TNN: variants seen among roughly 807,000 people sequenced by gnomAD.
The protein encoded by TNN is tenascin-N.
A neutral mutation model predicts 134.4 loss-of-function variants in TNN; 122 were observed. That is an observed-to-expected ratio of 0.91 (90% CI 0.78 to 1.06). The LOEUF (loss-of-function observed/expected upper bound fraction) is 1.06, where lower values mean the gene tolerates loss of function less well. TNN is among the 50% of genes least tolerant of loss of function. TNN has a pLI of 0.00. For synonymous variants in TNN, 710 were observed against 670.3 expected (o/e 1.06, Z -0.91); for missense variants, 1,739 against 1,699.4 (o/e 1.02, Z -0.41).
Position 175,106,211 on chromosome 1 carries a change from C to T in TNN, c.2119+7616C>T, listed in dbSNP as rs184987332. On this transcript the variant is annotated intron_variant, in intron 9 of 18. Transcript: ENST00000239462. ...TTCTCCTGTTAGTATTGGGACTTTA[C>T]CCCATCCTATAAAGATGTTATGCCA... 5.5e-4 allele frequency among the ~76,000 whole-genome samples: 80 copies of T among 145,774 alleles called. 6 individuals are homozygous for T. Among genetic ancestry groups the T allele is most frequent in the Middle Eastern group, 7.0e-3 (2 of 286 alleles).
At position 175,128,754 on chromosome 1, in the gene TNN, A is replaced by G; in HGVS notation, c.3330+8A>G. 1.2e-6 allele frequency: 2 copies of G among 1,611,032 alleles called. No homozygotes were observed. Among genetic ancestry groups the G allele is most frequent in the East Asian group, 4.5e-5 (2 of 44,806 alleles). On this transcript the variant is annotated splice_region_variant and intron_variant, in intron 15 of 18. Transcript: ENST00000239462. ...GACGGAGGTGGCTGGATTGTGAGTC[A>G]CGCAGAACCCTGGGGAGCTCTGTGT...
At chr1:175,145,810 A>G (rs1676052811) in intron 18 of TNN, among the ~76,000 whole-genome samples, 1 of 151,328 alleles carries the variant, frequency 6.6e-6, no homozygotes, top group East Asian at 1.9e-4. Flanking sequence ...CATCATCCTG[A>G]CTCTTTGACA....
In TNN at chr1:175,118,548, T is replaced by C. The variant is rs773441365; in HGVS notation, c.2387-13T>C. 50 of 1,414,416 alleles carry C rather than the reference T, an allele frequency of 3.5e-5. No individual in the cohort carries two copies. The highest frequency in any genetic ancestry group is 4.7e-5 in the East Asian group (2 of 42,130). 87.6% of individuals were successfully genotyped at this position (1,414,416 alleles called of 1,614,324 possible). On this transcript the variant is annotated splice_polypyrimidine_tract_variant and intron_variant, in intron 10 of 18. Transcript: ENST00000239462. ...TGTTCATAGTGCATATTGGTCAGCA[T>C]TTTTTTTTTCAGACATTGACAGCCC...
Position 175,094,191 on chromosome 1 carries a change from T to C in TNN, c.1526T>C (p.Val509Ala). ...TGLKPGEAYK[V>A]YVWAERGNQG... is the part of the protein sequence containing the mutation. ...CTGAAGCCAGGAGAGGCATACAAGG[T>C]CTACGTGTGGGCTGAAAGGGGCAAC... The change falls in exon 7 of 19, where the codon GTC (valine) becomes GCC (alanine). Residue 509 changes from valine (V) to alanine (A), a missense_variant. Val to Ala is a moderately conservative substitution (Grantham distance 64). Transcript: ENST00000239462. 6.2e-7 allele frequency: 1 copy of C among 1,613,662 alleles called. No homozygotes were observed. Among genetic ancestry groups the C allele is most frequent in the Non-Finnish European group, 8.5e-7 (1 of 1,179,736 alleles).
At chr1:175,104,221 C>A (rs1674797333) in intron 9 of TNN, among the ~76,000 whole-genome samples, 1 of 145,804 alleles carries the variant, frequency 6.9e-6, no homozygotes, top group African/African-American at 2.5e-5. Context: ...AGGAGATTAA[C>A]ACTGAGAAGG....
At chr1:175,111,823 C>T (rs555575413) in intron 9 of TNN, among the ~76,000 whole-genome samples, 6 of 150,958 alleles carry the variant, frequency 4.0e-5, no homozygotes, top group Admixed American at 2.0e-4. Flanking sequence ...AGAAACACTA[C>T]TGATTTTTAT....
intron 9 of TNN, among the ~76,000 whole-genome samples, chr1:175,099,610 T>G (rs1475910722): frequency 2.4e-5 from 1 of 42,020 alleles, no homozygotes; most frequent in South Asian, 7.3e-4. Context: ...AGGTGAGGGG[T>G]CAGGAGGAGG....
chr1:175,125,862 CTTTTTCTTTCTTTCTTTTCTTTTT>C (rs1558369551), intron 12 of TNN, among the ~76,000 whole-genome samples: 1 of 7,522 alleles, frequency 1.3e-4, no homozygotes, highest in East Asian at 1.8e-3. Context: ...TTTCTTTTTT[CTTTTTCTTTCTTTCTTTTCTTTTT>C]TTCTTTCTTT....
chr1:175,084,837 A>T (rs550703436), intron 5 of TNN, among the ~76,000 whole-genome samples: 38 of 152,104 alleles, frequency 2.5e-4, no homozygotes, highest in East Asian at 7.7e-4. Context: ...ACTTTTTTTT[A>T]AAAAAAGGGC....
intron 7 of TNN, among the ~76,000 whole-genome samples, chr1:175,094,569 C>T (rs575699504): frequency 6.6e-6 from 1 of 152,300 alleles, no homozygotes; most frequent in Non-Finnish European, 1.5e-5. Flanking sequence ...ATTGGGCTGA[C>T]AGTGAATTTG....
At chr1:175,118,448 G>A in intron 10 of TNN, 113 bp from the exon 11 acceptor site, 2 of 1,284,844 alleles carry the variant, frequency 1.6e-6, no homozygotes, top group Non-Finnish European at 2.2e-6. Context: ...AAGAGCATAT[G>A]AGGCGGAAAC....
chr1:175,129,634 G>A (rs2101845854), intron 15 of TNN, among the ~76,000 whole-genome samples: 1 of 152,086 alleles, frequency 6.6e-6, no homozygotes, highest in Middle Eastern at 3.4e-3. Context: ...GTAAGTGAGA[G>A]AGGATTGTTT....
chr1:175,108,397 G>C (rs3980182), intron 9 of TNN, among the ~76,000 whole-genome samples: 101,352 of 152,166 alleles, frequency 0.67, 35,485 homozygotes, highest in African/African-American at 0.9. Context: ...TGGCTTCACC[G>C]AGTGGATCCC....
At chr1:175,093,156 C>A (rs1354406069) in intron 6 of TNN, among the ~76,000 whole-genome samples, 3 of 152,268 alleles carry the variant, frequency 2.0e-5, no homozygotes, top group Non-Finnish European at 4.4e-5. Context: ...GTCCCTCTCA[C>A]TTCCCTGGCC....
At chr1:175,127,680 G>A (rs537735684) in intron 13 of TNN, among the ~76,000 whole-genome samples, 83 of 152,226 alleles carry the variant, frequency 5.5e-4, no homozygotes, top group African/African-American at 2.0e-3. Context: ...TCTCCTTAGC[G>A]CGGCATTGCC....
intron 9 of TNN, among the ~76,000 whole-genome samples, chr1:175,109,702 T>TTA (rs1213244065): frequency 6.7e-6 from 1 of 149,236 alleles, no homozygotes; most frequent in Non-Finnish European, 1.5e-5. Flanking sequence ...TACATATGTA[T>TTA]TATATATATA....
At chr1:175,144,225 T>G (rs1676006769) in intron 17 of TNN, among the ~76,000 whole-genome samples, 162 bp from the exon 18 acceptor site, 1 of 152,046 alleles carries the variant, frequency 6.6e-6, no homozygotes. Flanking sequence ...CCATGTGTCA[T>G]GTTCCCATTT....
At chr1:175,120,397 T>C (rs1372731625) in intron 11 of TNN, among the ~76,000 whole-genome samples, 1 of 152,218 alleles carries the variant, frequency 6.6e-6, no homozygotes, top group Non-Finnish European at 1.5e-5. Context: ...AGGATATACA[T>C]AGACAGAAAC....
rs2269654 is a variant in TNN, at chr1:175,118,748, C to T, written c.2574C>T (p.Gly858=). 0.16 allele frequency: 261,639 copies of T among 1,613,932 alleles called. 22,804 individuals are homozygous for T. Among genetic ancestry groups the T allele is most frequent in the East Asian group, 0.33 (14,583 of 44,824 alleles). Residue 858 remains glycine, a synonymous_variant, in exon 11 of 19, where the codon GGC becomes GGT. Coordinates refer to ENST00000239462, the MANE Select transcript of TNN (RefSeq NM_022093.2). ...CTGTCCTGACGGGCCTGAGGCCGGGCATGGAGTACACGGTGCACGTGTGGG... is the reference window on the plus strand; with the variant it reads ...CTGTCCTGACGGGCCTGAGGCCGGGTATGGAGTACACGGTGCACGTGTGGG... The part of the protein sequence containing the change: ...SSTVLTGLRP[G]MEYTVHVWAQ...
Sources: allele counts gnomAD v4.1 joint callset (sites outside exome capture counted in the v4.1 genomes callset), GRCh38; gene constraint gnomAD v4.1.1; transcripts MANE v1.5; gene names NCBI Gene and HGNC (gene_info 2026-07-23, HGNC 2026-07-21).